Variants in IL1RAPL2 observed in about 807,000 individuals in gnomAD.
The protein encoded by IL1RAPL2 is interleukin 1 receptor accessory protein like 2.
A neutral mutation model predicts 44.1 loss-of-function variants in IL1RAPL2; 3 were observed. The observed-to-expected ratio is 0.07, with a 90% confidence interval of 0.03 to 0.18. The LOEUF is 0.18. Among genes scored for constraint, IL1RAPL2 ranks in the 10% least tolerant of loss-of-function variants. The probability of loss-of-function intolerance (pLI) is 1.00; values close to 1 mark genes in which losing one functional copy is unlikely to be tolerated. For synonymous variants in IL1RAPL2, 181 were observed against 178.8 expected (o/e 1.01, Z -0.10); for missense variants, 391 against 496.4 (o/e 0.79, Z 2.02).
chrX:105,571,783 G>A (rs1406623227), intron 6 of IL1RAPL2, among the ~76,000 whole-genome samples: 1 of 111,328 alleles, frequency 9.0e-6, no homozygotes, highest in African/African-American at 3.3e-5. Flanking sequence ...GTACATGAGA[G>A]CATTGAGAGA....
At chrX:105,629,747 A>C (rs1041381844) in intron 6 of IL1RAPL2, among the ~76,000 whole-genome samples, 3 of 112,092 alleles carry the variant, frequency 2.7e-5, no homozygotes, top group Non-Finnish European at 1.9e-5. Flanking sequence ...TCCATCTGTT[A>C]AATTATTCAT....
chrX:105,629,830 G>T (rs1367627807), intron 6 of IL1RAPL2, among the ~76,000 whole-genome samples: 1 of 111,632 alleles, frequency 9.0e-6, no homozygotes, highest in African/African-American at 3.3e-5. Flanking sequence ...GTGGACTTTG[G>T]AGTATGTTTT....
At chrX:105,077,858 G>T (rs1295263494) in intron 2 of IL1RAPL2, among the ~76,000 whole-genome samples, 1 of 111,784 alleles carries the variant, frequency 8.9e-6, no homozygotes, top group Non-Finnish European at 1.9e-5. Flanking sequence ...TGCATTCATC[G>T]TGTAGTTCTC....
chrX:104,916,933 T>C (rs1167995818), intron 2 of IL1RAPL2, among the ~76,000 whole-genome samples: 1 of 111,475 alleles, frequency 9.0e-6, no homozygotes, highest in African/African-American at 3.3e-5. Context: ...TTGATCATGG[T>C]GGATAAGCTT....
chrX:105,510,433 G>A (rs2036461201), intron 6 of IL1RAPL2, among the ~76,000 whole-genome samples: 2 of 111,251 alleles, frequency 1.8e-5, no homozygotes, highest in African/African-American at 6.5e-5. Flanking sequence ...CTAGGTATGA[G>A]TTTTGGTAAT....
intron 5 of IL1RAPL2, among the ~76,000 whole-genome samples, chrX:105,351,216 A>T (rs2147704826): frequency 9.0e-6 from 1 of 111,632 alleles, no homozygotes; most frequent in South Asian, 3.8e-4. Flanking sequence ...ACAGTGTGGC[A>T]ATTCCTCAAG....
At chrX:105,543,255 A>G (rs919380462) in intron 6 of IL1RAPL2, among the ~76,000 whole-genome samples, 1 of 112,117 alleles carries the variant, frequency 8.9e-6, no homozygotes, top group African/African-American at 3.2e-5. Flanking sequence ...TCTTGAGTAC[A>G]TACTGTATGG....
intron 10 of IL1RAPL2, chrX:105,765,482 C>G (rs1219279130): frequency 8.9e-6 from 1 of 111,982 alleles, no homozygotes; most frequent in Non-Finnish European, 1.9e-5. Flanking sequence ...AATCAAAATT[C>G]TTAAAAGTTC....
rs147761252 is a variant in IL1RAPL2 at position 104,602,328 on chromosome X, C to T, written c.-20+35277C>T. Among the ~76,000 whole-genome samples, 552 of 111,762 alleles carry T rather than the reference C, an allele frequency of 4.9e-3. 1 individual carries two copies. The highest frequency in any genetic ancestry group is 8.9e-3 in the Non-Finnish European group (470 of 53,054). On this transcript the variant is annotated intron_variant, in intron 1 of 10. Transcript: ENST00000372582. ...CACTCATACCATGGTATTCACAACC[C>T]GCAAACCAGGAGATTCCCTCTGGTG... is the stretch of plus-strand genomic sequence containing the variant.
At position 105,697,293 on chromosome X, in the gene IL1RAPL2, C is replaced by CAAA. The variant is rs1308596758; in HGVS notation, c.773-20060_773-20058dup. 6.4e-3 allele frequency among the ~76,000 whole-genome samples: 489 copies of CAAA among 76,936 alleles called. 5 individuals are homozygous for CAAA. Among genetic ancestry groups the CAAA allele is most frequent in the African/African-American group, 0.02 (444 of 21,801 alleles). 66.8% of individuals were successfully genotyped at this position (76,936 alleles called of 115,157 possible). ...ATCAGTGGCCTAAACCAACATAGCT[C>CAAA]AAAAAAAAAAAAAAAACACCAAAAT... On this transcript the variant is annotated intron_variant, in intron 6 of 10. Coordinates refer to ENST00000372582, the MANE Select transcript of IL1RAPL2 (RefSeq NM_017416.2).
intron 10 of IL1RAPL2, chrX:105,765,201 T>C (rs1424721035): frequency 8.9e-6 from 1 of 111,925 alleles, no homozygotes; most frequent in East Asian, 2.8e-4. Context: ...CTTCTAATGA[T>C]GAAGCTTCCC....
chrX:104,587,329 T>C (rs1352081900), intron 1 of IL1RAPL2, among the ~76,000 whole-genome samples: 1 of 112,052 alleles, frequency 8.9e-6, no homozygotes, highest in Admixed American at 9.5e-5. Context: ...TGGCCAGGCC[T>C]GCCCTCAGAA....
At chrX:105,458,187 T>C (rs1470541413) in intron 5 of IL1RAPL2, among the ~76,000 whole-genome samples, 1 of 111,777 alleles carries the variant, frequency 8.9e-6, no homozygotes, top group Non-Finnish European at 1.9e-5. Context: ...AATGTTTTTG[T>C]TCATCTGTAG....
intron 1 of IL1RAPL2, among the ~76,000 whole-genome samples, chrX:104,638,041 A>C (rs942395617): frequency 1.1e-4 from 12 of 111,016 alleles, no homozygotes; most frequent in African/African-American, 2.9e-4. Flanking sequence ...CAATCTCATT[A>C]CCCATTATTG....
At chrX:105,619,321 A>C (rs988779827) in intron 6 of IL1RAPL2, among the ~76,000 whole-genome samples, 2 of 110,621 alleles carry the variant, frequency 1.8e-5, no homozygotes, top group Admixed American at 9.7e-5. Flanking sequence ...TGCCTTCTCC[A>C]CTGATCAAGA....
intron 5 of IL1RAPL2, among the ~76,000 whole-genome samples, chrX:105,387,283 G>A (rs1456356592): frequency 9.8e-6 from 1 of 101,601 alleles, no homozygotes; most frequent in Non-Finnish European, 2.0e-5. Flanking sequence ...TGCCTAGGCT[G>A]GAGTGCAGTG....
intron 6 of IL1RAPL2, among the ~76,000 whole-genome samples, chrX:105,658,986 G>T (rs182052288): frequency 0.019 from 1,992 of 107,405 alleles, 44 homozygotes; most frequent in African/African-American, 0.065. Context: ...AAAAAATTAG[G>T]TGTGGTGGCA....
chrX:105,004,268 C>G (rs2147737687), intron 2 of IL1RAPL2, among the ~76,000 whole-genome samples: 1 of 110,460 alleles, frequency 9.1e-6, no homozygotes, highest in African/African-American at 3.3e-5. Context: ...GATAAGCAGT[C>G]TGAAGAGTGG....
chrX:105,404,798 C>G (rs906150885), intron 5 of IL1RAPL2, among the ~76,000 whole-genome samples: 2 of 111,930 alleles, frequency 1.8e-5, no homozygotes, highest in African/African-American at 3.2e-5. Context: ...TACATTCAAT[C>G]TAAAATTCAA....
Sources: allele counts gnomAD v4.1 joint callset (sites outside exome capture counted in the v4.1 genomes callset), GRCh38; gene constraint gnomAD v4.1.1; transcripts MANE v1.5; gene names NCBI Gene and HGNC (gene_info 2026-07-23, HGNC 2026-07-21).